MAPKBP1: variants seen among roughly 807,000 people sequenced by gnomAD.
MAPKBP1 encodes the protein mitogen-activated protein kinase binding protein 1, also known as mitogen-activated protein kinase-binding protein 1.
Under a neutral mutation model 170.5 loss-of-function variants are expected in MAPKBP1, and 71 were observed. The observed-to-expected ratio is 0.42, with a 90% CI of 0.34 to 0.51. The LOEUF (loss-of-function observed/expected upper bound fraction) is 0.51. Ranked by LOEUF, MAPKBP1 falls within the 20% of genes least tolerant of loss-of-function variation. The pLI is 0.06. For missense variants in MAPKBP1, 1,598 were observed against 1,933.0 expected (o/e 0.83, Z 3.25); for synonymous variants, 719 against 757.9 (o/e 0.95, Z 0.84).
intron 3 of MAPKBP1, 66 bp downstream of exon 3, chr15:41,799,980 A>G (rs1202281856): frequency 7.5e-7 from 1 of 1,330,706 alleles, no homozygotes; most frequent in Admixed American, 1.7e-5. Context: ...AGCAGTTGGG[A>G]TGGGCAGGGA....
chr15:41,780,108 C>T (rs1467668365), intron 2 of MAPKBP1, among the ~76,000 whole-genome samples: 2 of 152,222 alleles, frequency 1.3e-5, no homozygotes, highest in East Asian at 1.9e-4. Context: ...GAAACCTCCT[C>T]TCACCTACTT....
chr15:41,776,007 G>A (rs2064092390), intron 2 of MAPKBP1, among the ~76,000 whole-genome samples: 1 of 152,184 alleles, frequency 6.6e-6, no homozygotes, highest in Admixed American at 6.5e-5. Context: ...TTCACTATAT[G>A]CCAAGAGCCA....
At chr15:41,791,460 A>G (rs553015141) in intron 2 of MAPKBP1, among the ~76,000 whole-genome samples, 1 of 152,320 alleles carries the variant, frequency 6.6e-6, no homozygotes, top group South Asian at 2.1e-4. Flanking sequence ...GGGTCCAAGC[A>G]GGAAGCCCTT....
intron 29 of MAPKBP1, 81 bp from the exon 30 acceptor site, chr15:41,824,403 C>T (rs959839095): frequency 2.3e-6 from 3 of 1,329,044 alleles, no homozygotes; most frequent in Non-Finnish European, 3.1e-6. Context: ...GGCTAGGTCT[C>T]TCCTGTTCTG....
Position 41,813,735 on chromosome 15 carries a change from C to T in MAPKBP1, c.934C>T (p.Arg312Ter), listed in dbSNP as rs1596088812. 6.2e-7 allele frequency: 1 copy of T among 1,612,238 alleles called. No individual in the cohort carries two copies. Among genetic ancestry groups the T allele is most frequent in the Non-Finnish European group, 8.5e-7 (1 of 1,179,238 alleles). The part of the protein sequence containing the change: ...SNLHFLSTLP[R>*]PHALGTDIAS... ...CCTGCACTTCCTTAGCACCTTGCCC[C>T]GACCCCATGCTCTGGGGACAGACAT... Residue 312 changes from arginine to a stop codon, truncating the protein, a stop_gained, in exon 9 of 31, where the codon CGA (arginine) becomes TGA (stop). Coordinates refer to ENST00000457542, the MANE Select transcript of MAPKBP1 (RefSeq NM_014994.3). LOFTEE classifies it high-confidence loss of function.
intron 6 of MAPKBP1, 148 bp from the exon 7 acceptor site, chr15:41,812,368 A>AT: frequency 8.1e-7 from 1 of 1,233,456 alleles, no homozygotes; most frequent in Non-Finnish European, 1.2e-6. Context: ...GAAAGGGATT[A>AT]TTTCCCTACC....
At chr15:41,809,465 A>T (rs546403285) in intron 3 of MAPKBP1, among the ~76,000 whole-genome samples, 2 of 152,164 alleles carry the variant, frequency 1.3e-5, no homozygotes, top group South Asian at 4.1e-4. Flanking sequence ...ACTTGCACCT[A>T]CCTCCCTTCA....
At chr15:41,815,176 C>T (rs535910883) in intron 10 of MAPKBP1, 83 bp from the exon 11 acceptor site, 12 of 1,530,072 alleles carry the variant, frequency 7.8e-6, no homozygotes, top group South Asian at 2.4e-5. Flanking sequence ...TTCCCTTTTT[C>T]GTCCCATTCC....
At chr15:41,789,581 C>G (rs935705783) in intron 2 of MAPKBP1, among the ~76,000 whole-genome samples, 3 of 152,182 alleles carry the variant, frequency 2.0e-5, no homozygotes, top group African/African-American at 7.2e-5. Context: ...CCCTGCAGTG[C>G]CAGTTGGCTT....
At chr15:41,795,178 A>AG (rs1190422126) in intron 2 of MAPKBP1, among the ~76,000 whole-genome samples, 3 of 151,788 alleles carry the variant, frequency 2.0e-5, no homozygotes, top group Non-Finnish European at 4.4e-5. Flanking sequence ...AAAAAAAAAA[A>AG]AAAGAAAAAG....
intron 30 of MAPKBP1, 71 bp downstream of exon 30, chr15:41,824,640 C>G: frequency 7.2e-7 from 1 of 1,392,158 alleles, no homozygotes; most frequent in Non-Finnish European, 9.8e-7. Context: ...ATAACCATGT[C>G]CAGAACAGTA....
intron 2 of MAPKBP1, 43 bp from the exon 3 acceptor site, chr15:41,799,780 C>T: frequency 1.9e-6 from 3 of 1,543,314 alleles, no homozygotes; most frequent in Non-Finnish European, 1.8e-6. Context: ...TCTTCCCAAA[C>T]ACACTCTGTC....
chr15:41,793,837 A>G (rs968232021), intron 2 of MAPKBP1, among the ~76,000 whole-genome samples: 2 of 152,232 alleles, frequency 1.3e-5, no homozygotes, highest in African/African-American at 2.4e-5. Context: ...CGTGCTTAGC[A>G]GTCAGAAAGA....
At chr15:41,784,641 G>A (rs1382686365) in intron 2 of MAPKBP1, among the ~76,000 whole-genome samples, 1 of 151,876 alleles carries the variant, frequency 6.6e-6, no homozygotes, top group Non-Finnish European at 1.5e-5. Context: ...AATTAGCTGG[G>A]CGTGGTGGCG....
rs769852999 is a variant in MAPKBP1, at chr15:41,799,840, G to A, written c.132G>A (p.Val44=). 1.2e-6 allele frequency: 2 copies of A among 1,614,078 alleles called. No individual in the cohort carries two copies. The highest frequency in any genetic ancestry group is 1.7e-6 in the Non-Finnish European group (2 of 1,179,950). The change falls in exon 3 of 31, where the codon GTG becomes GTA. Residue 44 remains valine (V), a synonymous_variant. Transcript: ENST00000457542. The part of the protein sequence containing the change: ...DLSSKVTLEK[V]LGITVSGGRG... ...TCTAACAGGTGACCTTGGAGAAGGT[G>A]CTGGGAATTACAGTGTCTGGAGGCA...
chr15:41,809,782 A>C (rs1011315703), intron 3 of MAPKBP1, among the ~76,000 whole-genome samples: 1 of 152,218 alleles, frequency 6.6e-6, no homozygotes, highest in East Asian at 1.9e-4. Context: ...CTGGAAAGGC[A>C]GGACCTGATT....
intron 2 of MAPKBP1, among the ~76,000 whole-genome samples, chr15:41,796,139 C>T (rs527481588): frequency 2.0e-5 from 3 of 152,254 alleles, no homozygotes; most frequent in Admixed American, 1.3e-4. Context: ...GTAAGTCGTC[C>T]TGCGGTGGTG....
At chr15:41,780,759 T>TA (rs5812202) in intron 2 of MAPKBP1, among the ~76,000 whole-genome samples, 10,636 of 139,004 alleles carry the variant, frequency 0.077, 520 homozygotes, top group African/African-American at 0.14. Context: ...TCTGTTACCT[T>TA]AAAAAAAAAA....
At chr15:41,819,112 CCT>C (rs1417175735) in intron 20 of MAPKBP1, 132 bp from the exon 21 acceptor site, 5 of 1,428,772 alleles carry the variant, frequency 3.5e-6, no homozygotes, top group Non-Finnish European at 4.8e-6. Flanking sequence ...GCCTCTTCCC[CCT>C]GTTGAGTCTC....
Sources: allele counts gnomAD v4.1 joint callset (sites outside exome capture counted in the v4.1 genomes callset), GRCh38; gene constraint gnomAD v4.1.1; transcripts MANE v1.5; gene names NCBI Gene and HGNC (gene_info 2026-07-23, HGNC 2026-07-21).